Variants in CTNNA1 observed in about 807,000 individuals in gnomAD.
The protein encoded by CTNNA1 is catenin alpha 1.
A neutral mutation model predicts 98.4 loss-of-function variants in CTNNA1; 37 were observed. The ratio of observed to expected loss-of-function variants is 0.38; its 90% CI spans 0.29 to 0.49. The LOEUF (loss-of-function observed/expected upper bound fraction) is 0.49, where lower values mean the gene tolerates loss of function less well. Ranked by LOEUF, CTNNA1 falls within the 20% of genes least tolerant of loss-of-function variation. The pLI is 0.95. For synonymous variants in CTNNA1, 404 were observed against 413.2 expected (o/e 0.98, Z 0.27); for missense variants, 761 against 1,147.2 (o/e 0.66, Z 4.86).
chr5:138,816,454 A>G (rs1286569467), intron 5 of CTNNA1, among the ~76,000 whole-genome samples: 1 of 152,072 alleles, frequency 6.6e-6, no homozygotes, highest in Admixed American at 6.5e-5. Flanking sequence ...ATTCCATACA[A>G]TTTTCCATAA....
intron 1 of CTNNA1, among the ~76,000 whole-genome samples, chr5:138,765,676 C>G (rs537365915): frequency 6.6e-6 from 1 of 151,888 alleles, no homozygotes; most frequent in Non-Finnish European, 1.5e-5. Flanking sequence ...TGGCGCTGGG[C>G]GAGGTGGCTC....
intron 9 of CTNNA1, among the ~76,000 whole-genome samples, chr5:138,896,180 T>C (rs1484307695): frequency 6.6e-6 from 1 of 152,208 alleles, no homozygotes; most frequent in African/African-American, 2.4e-5. Context: ...CTAGTCCCCC[T>C]GTGTGTACAC....
At chr5:138,861,353 G>A (rs530367488) in intron 7 of CTNNA1, among the ~76,000 whole-genome samples, 1 of 152,274 alleles carries the variant, frequency 6.6e-6, no homozygotes, top group South Asian at 2.1e-4. Flanking sequence ...GGGCCACATG[G>A]GCGATCCTTA....
intron 3 of CTNNA1, among the ~76,000 whole-genome samples, chr5:138,807,008 C>CT (rs1321047490): frequency 0.013 from 1,474 of 111,422 alleles, 18 homozygotes; most frequent in African/African-American, 0.018. Flanking sequence ...AGATGTTGGA[C>CT]TTTTTTTTTT....
At chr5:138,800,786 A>G (rs576279204) in intron 3 of CTNNA1, among the ~76,000 whole-genome samples, 1 of 152,244 alleles carries the variant, frequency 6.6e-6, no homozygotes, top group East Asian at 1.9e-4. Context: ...CTGGGCAACA[A>G]GAGCAAAACT....
chr5:138,774,394 T>A (rs529427864), intron 1 of CTNNA1, among the ~76,000 whole-genome samples: 1 of 152,216 alleles, frequency 6.6e-6, no homozygotes, highest in East Asian at 1.9e-4. Context: ...AACGTTAAAG[T>A]TGGGAGATTC....
intron 10 of CTNNA1, among the ~76,000 whole-genome samples, chr5:138,916,411 G>A (rs1024646030): frequency 6.5e-5 from 7 of 107,284 alleles, no homozygotes; most frequent in East Asian, 5.1e-4. Flanking sequence ...TTTTTTTTTT[G>A]GAGACAAGAG....
chr5:138,896,612 G>A (rs575304545), intron 9 of CTNNA1, among the ~76,000 whole-genome samples: 37 of 152,194 alleles, frequency 2.4e-4, no homozygotes, highest in South Asian at 1.7e-3. Flanking sequence ...GAGCCAGAGG[G>A]CTGGTATTGG....
chr5:138,900,343 T>TGAG (rs1255701899), intron 9 of CTNNA1, among the ~76,000 whole-genome samples: 3 of 152,188 alleles, frequency 2.0e-5, no homozygotes, highest in African/African-American at 7.2e-5. Flanking sequence ...CCCACATCTC[T>TGAG]TCTCACTTGC....
intron 5 of CTNNA1, among the ~76,000 whole-genome samples, chr5:138,820,390 C>T (rs532849227): frequency 5.3e-4 from 81 of 152,128 alleles, no homozygotes; most frequent in Non-Finnish European, 9.9e-4. Flanking sequence ...GTCACAGTCT[C>T]GTCCCCTTCT....
intron 1 of CTNNA1, among the ~76,000 whole-genome samples, chr5:138,777,219 G>A (rs1261221525): frequency 3.6e-3 from 493 of 136,614 alleles, no homozygotes; most frequent in African/African-American, 9.7e-3. Context: ...CATCCCAGAC[G>A]GGGCGGCGGG....
intron 7 of CTNNA1, among the ~76,000 whole-genome samples, chr5:138,839,580 T>G (rs1320245815): frequency 6.6e-6 from 1 of 152,192 alleles, no homozygotes; most frequent in Admixed American, 6.5e-5. Context: ...AGCTTGCTGT[T>G]TTTTTAGTTG....
At chr5:138,841,572 G>A (rs13167462) in intron 7 of CTNNA1, among the ~76,000 whole-genome samples, 30,024 of 152,066 alleles carry the variant, frequency 0.2, 3,815 homozygotes, top group Non-Finnish European at 0.28. Flanking sequence ...TTTTGAAGAG[G>A]AATATTGGAT....
intron 13 of CTNNA1, among the ~76,000 whole-genome samples, chr5:138,927,657 G>A (rs1764390349): frequency 6.6e-6 from 1 of 152,076 alleles, no homozygotes; most frequent in African/African-American, 2.4e-5. Context: ...AGGAATTTTT[G>A]TCTGTTTGTC....
intron 9 of CTNNA1, among the ~76,000 whole-genome samples, chr5:138,902,120 T>G (rs973023838): frequency 6.6e-6 from 1 of 152,212 alleles, no homozygotes; most frequent in African/African-American, 2.4e-5. Flanking sequence ...CCATAACCTT[T>G]GTTTTGTTAG....
chr5:138,925,192 G>A (rs1271415664), intron 12 of CTNNA1, 64 bp from the exon 13 acceptor site: 7 of 1,566,156 alleles, frequency 4.5e-6, no homozygotes, highest in Non-Finnish European at 6.1e-6. Context: ...GAGTGATTCA[G>A]GGAGGGCCAG....
At chr5:138,765,063 C>CG (rs1283982685) in intron 1 of CTNNA1, among the ~76,000 whole-genome samples, 3 of 151,482 alleles carry the variant, frequency 2.0e-5, no homozygotes, top group African/African-American at 4.8e-5. Context: ...TTTTTTGAGA[C>CG]GGAGTCTTGC....
At chr5:138,930,425 A>G (rs2150333360) in intron 14 of CTNNA1, 48 bp from the exon 15 acceptor site, 1 of 1,422,990 alleles carries the variant, frequency 7.0e-7, no homozygotes, top group East Asian at 2.3e-5. Flanking sequence ...GCACTCTGAG[A>G]ACTTCATATT....
chr5:138,916,067 A>G lies in CTNNA1; in HGVS notation c.1390-1675A>G, dbSNP rs192524384. Among the ~76,000 whole-genome samples, 40 of 151,976 alleles carry G rather than the reference A, an allele frequency of 2.6e-4. No individual in the cohort carries two copies. In the East Asian group the frequency reaches 6.4e-3, roughly 24 times the overall value. On this transcript the variant is annotated intron_variant, in intron 10 of 17. Coordinates refer to ENST00000302763, the MANE Select transcript of CTNNA1 (RefSeq NM_001903.5). ...CAGTCTCAAAAAGAAACACACACAC[A>G]CACTAAGTGAAAAAAGCAAGTTACA...
Sources: gnomAD v4.1 joint callset for allele counts (sites outside exome capture counted in the v4.1 genomes callset) on GRCh38, gnomAD v4.1.1 for gene constraint, MANE v1.5 for transcripts, NCBI Gene and HGNC (gene_info 2026-07-23, HGNC 2026-07-21) for gene names.